TENM2: variants seen among roughly 807,000 people sequenced by gnomAD.
TENM2 encodes the protein teneurin-2.
Under a neutral mutation model 245.2 loss-of-function variants are expected in TENM2, and 52 were observed. The observed-to-expected ratio is 0.21, with a 90% CI of 0.17 to 0.27. The LOEUF (loss-of-function observed/expected upper bound fraction) is 0.27, where lower values mean the gene tolerates loss of function less well. Ranked by LOEUF, TENM2 falls within the 10% of genes least tolerant of loss-of-function variation. TENM2 has a pLI of 1.00. For missense variants in TENM2, 3,046 were observed against 3,666.8 expected (o/e 0.83, Z 4.37); for synonymous variants, 1,363 against 1,438.9 (o/e 0.95, Z 1.19).
chr5:167,745,307 C>T (rs1489740179), intron 2 of TENM2, among the ~76,000 whole-genome samples: 1 of 152,212 alleles, frequency 6.6e-6, no homozygotes, highest in African/African-American at 2.4e-5. Flanking sequence ...GTTGCAAGTG[C>T]TGCGAAGACA....
chr5:167,478,980 C>G lies in TENM2; in HGVS notation c.502+103507C>G, dbSNP rs1015192437. ...AAATAAGCATGATTGCATATGACTA[C>G]TTTATATATATGTGTGTGTGTGTGT... is the stretch of plus-strand genomic sequence containing the variant. On this transcript the variant is annotated intron_variant, in intron 2 of 28. Transcript: ENST00000518659. 8.0e-5 allele frequency among the ~76,000 whole-genome samples: 3 copies of G among 37,286 alleles called. No individual in the cohort carries two copies. The East Asian group carries it at 3.0e-3, about 37-fold the overall frequency. The allele number at this position is 37,286 out of a possible 152,430, so 24.5% of individuals were successfully genotyped here. A position where few individuals can be genotyped will look rare whatever the true frequency, so the allele number is the denominator to read the frequency against.
chr5:167,831,389 T>A (rs1561831608), intron 2 of TENM2, among the ~76,000 whole-genome samples: 1 of 151,980 alleles, frequency 6.6e-6, no homozygotes, highest in Non-Finnish European at 1.5e-5. Context: ...TCTGAGGTCT[T>A]ATAGGGCCCA....
At chr5:167,000,299 T>C in the TENM2 span, among the ~76,000 whole-genome samples, 1 of 152,188 alleles carries the variant, frequency 6.6e-6, no homozygotes, top group African/African-American at 2.4e-5. Flanking sequence ...ATCAACCTAT[T>C]TGGATTGTTA....
At chr5:167,889,426 T>A (rs902207057) in intron 3 of TENM2, among the ~76,000 whole-genome samples, 2 of 152,228 alleles carry the variant, frequency 1.3e-5, no homozygotes, top group East Asian at 3.9e-4. Context: ...CTGTTCCATC[T>A]GATTGGATAC....
intron 2 of TENM2, among the ~76,000 whole-genome samples, chr5:167,725,284 A>T (rs142396348): frequency 4.4e-4 from 67 of 152,234 alleles, no homozygotes; most frequent in African/African-American, 1.6e-3. Flanking sequence ...CTTTTGTTTG[A>T]GTATCTTCAA....
At chr5:167,289,904 C>T (rs1754536681) in intron 1 of TENM2, among the ~76,000 whole-genome samples, 1 of 152,174 alleles carries the variant, frequency 6.6e-6, no homozygotes, top group African/African-American at 2.4e-5. Flanking sequence ...TTGAAAACCT[C>T]AGCACTTTAA....
chr5:167,130,039 T>A, the TENM2 span, among the ~76,000 whole-genome samples: 1 of 152,192 alleles, frequency 6.6e-6, no homozygotes, highest in Non-Finnish European at 1.5e-5. Flanking sequence ...AAGGGAAAGC[T>A]ATGGGATTTT....
chr5:167,561,574 C>G (rs556131240), intron 2 of TENM2, among the ~76,000 whole-genome samples: 4 of 152,088 alleles, frequency 2.6e-5, no homozygotes, highest in Non-Finnish European at 2.9e-5. Flanking sequence ...CAAGATGAAA[C>G]GTCTATGTTG....
intron 5 of TENM2, among the ~76,000 whole-genome samples, chr5:168,041,317 G>A (rs999740012): frequency 1.3e-5 from 2 of 152,064 alleles, no homozygotes; most frequent in Admixed American, 1.3e-4. Context: ...TGAGAATGAA[G>A]GGGAAAAAGT....
chr5:168,168,029 CA>C (rs1443680910), intron 13 of TENM2, among the ~76,000 whole-genome samples: 1 of 152,144 alleles, frequency 6.6e-6, no homozygotes, highest in African/African-American at 2.4e-5. Context: ...CCAGTGTACA[CA>C]ACCACAAAGA....
At chr5:167,607,327 T>C (rs1777127840) in intron 2 of TENM2, among the ~76,000 whole-genome samples, 1 of 152,210 alleles carries the variant, frequency 6.6e-6, no homozygotes, top group African/African-American at 2.4e-5. Flanking sequence ...TGCTCGATCA[T>C]TGAGTTTTGT....
At chr5:167,038,558 A>T in the TENM2 span, among the ~76,000 whole-genome samples, 1 of 152,194 alleles carries the variant, frequency 6.6e-6, no homozygotes, top group African/African-American at 2.4e-5. Flanking sequence ...ATTTTTGTTA[A>T]CTAAAAGTCA....
At chr5:167,320,449 T>C (rs1289029907) in intron 1 of TENM2, among the ~76,000 whole-genome samples, 1 of 152,216 alleles carries the variant, frequency 6.6e-6, no homozygotes, top group Non-Finnish European at 1.5e-5. Flanking sequence ...CCTTGCCTTC[T>C]TTTCTTTTGA....
chr5:168,198,818 C>T, intron 15 of TENM2, 35 bp from the exon 18 acceptor site: 1 of 1,602,748 alleles, frequency 6.2e-7, no homozygotes, highest in Non-Finnish European at 8.5e-7. Flanking sequence ...AAAAGTGAGT[C>T]TACCCCCTCA....
chr5:166,993,598 G>A, the TENM2 span, among the ~76,000 whole-genome samples: 1 of 152,164 alleles, frequency 6.6e-6, no homozygotes, highest in Non-Finnish European at 1.5e-5. Flanking sequence ...GGGAAAACAG[G>A]AGAGAGAGGG....
intron 2 of TENM2, among the ~76,000 whole-genome samples, chr5:167,517,574 G>C (rs992323372): frequency 4.0e-5 from 6 of 150,780 alleles, no homozygotes; most frequent in African/African-American, 1.5e-4. Context: ...ATCCAACAGC[G>C]TTATCTCATC....
the TENM2 span, among the ~76,000 whole-genome samples, chr5:167,258,020 G>T: frequency 1.0e-3 from 153 of 151,690 alleles, no homozygotes; most frequent in African/African-American, 3.6e-3. Flanking sequence ...AATGGCCATT[G>T]GTTTTCCAAA....
chr5:167,336,217 T>C (rs1414581942), intron 1 of TENM2, among the ~76,000 whole-genome samples: 1 of 114,990 alleles, frequency 8.7e-6, no homozygotes, highest in African/African-American at 3.3e-5. Context: ...AGGGTAAGGG[T>C]CTAGGATAAA....
chr5:167,242,953 T>G, the TENM2 span, among the ~76,000 whole-genome samples: 67 of 151,976 alleles, frequency 4.4e-4, no homozygotes, highest in African/African-American at 1.6e-3. Context: ...ATAGAATCTT[T>G]CAGAAGGAGT....
Sources: allele counts gnomAD v4.1 joint callset (sites outside exome capture counted in the v4.1 genomes callset), GRCh38; gene constraint gnomAD v4.1.1; transcripts MANE v1.5; gene names NCBI Gene and HGNC (gene_info 2026-07-23, HGNC 2026-07-21).